MRPS27: variants seen among roughly 807,000 people sequenced by gnomAD.
MRPS27 encodes mitochondrial ribosomal protein S27, also known as small ribosomal subunit protein mS27.
A neutral mutation model predicts 48.9 loss-of-function variants in MRPS27; 43 were observed. The ratio of observed to expected loss-of-function variants is 0.88; its 90% CI spans 0.69 to 1.13. The LOEUF (loss-of-function observed/expected upper bound fraction) is 1.13, where lower values mean the gene tolerates loss of function less well. Among genes scored for constraint, MRPS27 ranks in the 50% most tolerant of loss-of-function variants. The pLI, the probability that MRPS27 is intolerant of heterozygous loss-of-function variation, is 0.00. For synonymous variants in MRPS27, 188 were observed against 171.9 expected, an observed-to-expected ratio of 1.09 and a Z score of -0.73; for missense variants, 467 against 476.3, an observed-to-expected ratio of 0.98 and a Z score of 0.18.
rs1165763886 is a variant in MRPS27 at position 72,220,733 on chromosome 5, G to A, written c.*176C>T. ...CACTAGCCACCTGCATAGTTCCATA[G>A]CCCTTCTTGGCATCTCGATGGGCAG... On this transcript the variant is annotated 3_prime_UTR_variant, in exon 11 of 11. Transcript: ENST00000261413. 1.1e-6 allele frequency: 1 copy of A among 895,620 alleles called. No homozygotes were observed. Among genetic ancestry groups the A allele is most frequent in the African/African-American group, 1.7e-5 (1 of 59,906 alleles). The allele number at this position is 895,620 out of a possible 1,614,324, so 55.5% of individuals were successfully genotyped here.
intron 4 of MRPS27, among the ~76,000 whole-genome samples, chr5:72,245,618 T>G (rs1398724925): frequency 1.3e-5 from 2 of 151,754 alleles, no homozygotes; most frequent in African/African-American, 4.8e-5. Flanking sequence ...AGAATAGAAA[T>G]AAAAACCAGA....
intron 10 of MRPS27, among the ~76,000 whole-genome samples, 189 bp from the exon 11 acceptor site, chr5:72,221,337 A>T (rs1374505526): frequency 6.6e-6 from 1 of 152,220 alleles, no homozygotes; most frequent in East Asian, 1.9e-4. Context: ...TGCTGGTAGA[A>T]AAAAACCATT....
intron 4 of MRPS27, among the ~76,000 whole-genome samples, chr5:72,243,649 C>G (rs1490013044): frequency 1.3e-5 from 2 of 152,170 alleles, no homozygotes; most frequent in African/African-American, 4.8e-5. Flanking sequence ...GCACCAGGTG[C>G]TAGAGTCCCC....
At chr5:72,295,656 G>T in intron 3 of MRPS27, 67 bp from the exon 4 acceptor site, 1 of 1,190,918 alleles carries the variant, frequency 8.4e-7, no homozygotes, top group Non-Finnish European at 1.2e-6. Flanking sequence ...CTAGGGCCTA[G>T]ATCACACATT....
At chr5:72,226,239 C>T in intron 8 of MRPS27, 40 bp from the exon 9 acceptor site, 5 of 1,610,330 alleles carry the variant, frequency 3.1e-6, no homozygotes, top group Non-Finnish European at 4.2e-6. Flanking sequence ...TCAGCCATGT[C>T]TTCCCACCAT....
At chr5:72,318,503 A>AAGCTGGGCC (rs1219799311) in intron 1 of MRPS27, among the ~76,000 whole-genome samples, 2 of 152,248 alleles carry the variant, frequency 1.3e-5, no homozygotes, top group Non-Finnish European at 2.9e-5. Flanking sequence ...GGAGATTAAA[A>AAGCTGGGCC]AGCTGGGCCA....
chr5:72,269,991 G>T lies in MRPS27; in HGVS notation c.281+25540C>A, dbSNP rs7715804. On this transcript the variant is annotated intron_variant, in intron 4 of 10. Transcript: ENST00000261413. ...GCAGATCACCTAAGGTCTGGAGTTTGAGACCAGCCTGGCCAACATGGTGAA... is the reference window on the plus strand; with the variant it reads ...GCAGATCACCTAAGGTCTGGAGTTTTAGACCAGCCTGGCCAACATGGTGAA... Among the ~76,000 whole-genome samples, 567 of 152,102 alleles carry T rather than the reference G, an allele frequency of 3.7e-3. 1 individual carries two copies. Among genetic ancestry groups the T allele is most frequent in the African/African-American group, 0.013 (551 of 41,528 alleles).
chr5:72,272,685 G>A (rs891580202), intron 4 of MRPS27, among the ~76,000 whole-genome samples: 2 of 152,202 alleles, frequency 1.3e-5, no homozygotes, highest in African/African-American at 4.8e-5. Context: ...CTGCAAGTAC[G>A]AGTATAGGCT....
chr5:72,249,410 G>A (rs1300215852), intron 4 of MRPS27, among the ~76,000 whole-genome samples: 2 of 152,226 alleles, frequency 1.3e-5, no homozygotes, highest in African/African-American at 4.8e-5. Flanking sequence ...TCAGCCCCGC[G>A]TGGTGGCTCA....
intron 5 of MRPS27, among the ~76,000 whole-genome samples, chr5:72,234,848 T>C (rs1748159770): frequency 6.6e-6 from 1 of 152,166 alleles, no homozygotes; most frequent in Admixed American, 6.6e-5. Flanking sequence ...CCTGAATTTT[T>C]AGTGAGCTTC....
chr5:72,318,803 A>AAT lies in MRPS27; in HGVS notation c.73+1345_73+1346insAT. On this transcript the variant is annotated intron_variant, in intron 1 of 10. Coordinates refer to ENST00000261413, the MANE Select transcript of MRPS27 (RefSeq NM_015084.3). ...GAACGAAACCCGAAAAAAAAAAAAAAGGCTGGGGAGGTGATTGTGGGGAAA... is the reference window on the plus strand; with the variant it reads ...GAACGAAACCCGAAAAAAAAAAAAAAATGGCTGGGGAGGTGATTGTGGGGAAA... Among the ~76,000 whole-genome samples the AAT allele has an allele frequency of 2.0e-5, 3 of 151,174 alleles. No homozygotes were observed. In the East Asian group the frequency reaches 5.9e-4, roughly 30 times the overall value.
chr5:72,227,849 C>T (rs1309019433), intron 8 of MRPS27: 1 of 190,716 alleles, frequency 5.2e-6, no homozygotes, highest in Non-Finnish European at 1.1e-5. Context: ...TACCTGAAAA[C>T]AATACCAAAG....
intron 4 of MRPS27, among the ~76,000 whole-genome samples, chr5:72,278,224 C>T (rs559446288): frequency 6.6e-6 from 1 of 151,912 alleles, no homozygotes; most frequent in Non-Finnish European, 1.5e-5. Flanking sequence ...GGGCGGATCA[C>T]GAGGTCAGGA....
At chr5:72,278,049 G>A (rs1010692732) in intron 4 of MRPS27, among the ~76,000 whole-genome samples, 11 of 152,134 alleles carry the variant, frequency 7.2e-5, no homozygotes, top group Non-Finnish European at 1.5e-4. Context: ...GTTTATTTAT[G>A]TAACAAATCT....
intron 2 of MRPS27, among the ~76,000 whole-genome samples, chr5:72,308,533 C>G (rs1374738460): frequency 6.6e-6 from 1 of 152,192 alleles, no homozygotes; most frequent in Non-Finnish European, 1.5e-5. Flanking sequence ...GACAGCCCCG[C>G]GCCCACTCGC....
At chr5:72,254,980 A>G (rs1272020825) in intron 4 of MRPS27, among the ~76,000 whole-genome samples, 1 of 148,808 alleles carries the variant, frequency 6.7e-6, no homozygotes, top group Non-Finnish European at 1.5e-5. Context: ...TAGTAGCTCT[A>G]TATAGCAGAG....
At chr5:72,292,192 G>A (rs2112054325) in intron 4 of MRPS27, among the ~76,000 whole-genome samples, 1 of 144,354 alleles carries the variant, frequency 6.9e-6, no homozygotes, top group African/African-American at 2.6e-5. Context: ...CCTTTTATAT[G>A]GGTATTACCA....
chr5:72,244,879 C>T (rs1048198632), intron 4 of MRPS27, among the ~76,000 whole-genome samples: 17 of 133,856 alleles, frequency 1.3e-4, no homozygotes, highest in Middle Eastern at 3.5e-3. Context: ...TGCTCTCTCT[C>T]TCTCTCTCTC....
At chr5:72,225,278 G>A (rs1033426582) in intron 9 of MRPS27, among the ~76,000 whole-genome samples, 2 of 152,176 alleles carry the variant, frequency 1.3e-5, no homozygotes, top group African/African-American at 4.8e-5. Flanking sequence ...TGAAATGAAA[G>A]CCAAGGGATG....
Sources: gnomAD v4.1 joint callset for allele counts (sites outside exome capture counted in the v4.1 genomes callset) on GRCh38, gnomAD v4.1.1 for gene constraint, MANE v1.5 for transcripts, NCBI Gene and HGNC (gene_info 2026-07-23, HGNC 2026-07-21) for gene names.